The following TBC1D5 variants were observed in gnomAD, a reference collection of about 807,000 sequenced individuals.
TBC1D5 encodes TBC1 domain family, member 5.
A neutral mutation model predicts 100.3 loss-of-function variants in TBC1D5; 75 were observed. The ratio of observed to expected loss-of-function variants is 0.75; its 90% CI spans 0.62 to 0.91. TBC1D5 has a LOEUF of 0.91. Among genes scored for constraint, TBC1D5 ranks in the 40% least tolerant of loss-of-function variants. The pLI, the probability that TBC1D5 is intolerant of heterozygous loss-of-function variation, is 0.00. For missense variants in TBC1D5, 910 were observed against 942.4 expected (o/e 0.97, Z 0.45); for synonymous variants, 323 against 325.6 (o/e 0.99, Z 0.09).
chr3:17,531,205 G>A (rs2096219057), intron 2 of TBC1D5, among the ~76,000 whole-genome samples: 1 of 152,166 alleles, frequency 6.6e-6, no homozygotes, highest in African/African-American at 2.4e-5. Context: ...CAAACAGAGA[G>A]CCAAGTCATG....
chr3:17,692,990 C>T (rs1021936917), intron 1 of TBC1D5, among the ~76,000 whole-genome samples: 3 of 152,164 alleles, frequency 2.0e-5, no homozygotes, highest in East Asian at 1.9e-4. Flanking sequence ...ATTACATGGG[C>T]GGAGCCCCCT....
intron 14 of TBC1D5, among the ~76,000 whole-genome samples, chr3:17,296,493 C>T (rs970622533): frequency 6.6e-6 from 1 of 152,178 alleles, no homozygotes. Flanking sequence ...TGGCAAGAAA[C>T]AAAATGTGAT....
intron 10 of TBC1D5, 21 bp from the exon 11 acceptor site, chr3:17,374,700 A>T: frequency 6.2e-7 from 1 of 1,606,844 alleles, no homozygotes; most frequent in Non-Finnish European, 8.5e-7. Context: ...CAATACAAGC[A>T]ATCAAAATGT....
chr3:17,185,720 A>G (rs983127816), intron 18 of TBC1D5, among the ~76,000 whole-genome samples: 8 of 152,062 alleles, frequency 5.3e-5, no homozygotes, highest in African/African-American at 1.9e-4. Context: ...AAATAAAAAA[A>G]AAGACATAGC....
At chr3:17,610,991 C>A (rs1193127932) in intron 2 of TBC1D5, among the ~76,000 whole-genome samples, 1 of 152,000 alleles carries the variant, frequency 6.6e-6, no homozygotes, top group African/African-American at 2.4e-5. Context: ...GCCTGGGCGA[C>A]AAGAGCAAAA....
At chr3:17,690,897 C>T (rs1385313156) in intron 1 of TBC1D5, among the ~76,000 whole-genome samples, 4 of 152,102 alleles carry the variant, frequency 2.6e-5, no homozygotes, top group African/African-American at 9.7e-5. Flanking sequence ...CACTGCTTTC[C>T]AGCAGTACGT....
rs73032759 is a variant in TBC1D5 at position 17,226,035 on chromosome 3, A to T, written c.1589-11665T>A. 3.1e-3 allele frequency among the ~76,000 whole-genome samples: 466 copies of T among 152,008 alleles called. 3 individuals carry two copies. The highest frequency in any genetic ancestry group is 5.5e-3 in the Non-Finnish European group (373 of 67,990). ...GTCCTGGAACCAATCCCCCACAGAT[A>T]CTGAGGGACAACTGTATTTCCTCTG... On this transcript the variant is annotated intron_variant, in intron 17 of 21. Coordinates refer to ENST00000253692, the Ensembl canonical transcript of TBC1D5.
At chr3:17,232,261 A>G (rs921016468) in intron 17 of TBC1D5, among the ~76,000 whole-genome samples, 3 of 152,172 alleles carry the variant, frequency 2.0e-5, no homozygotes, top group Non-Finnish European at 2.9e-5. Context: ...TTTTCTTTCC[A>G]TAGGTATAAA....
intron 1 of TBC1D5, among the ~76,000 whole-genome samples, chr3:17,684,162 G>A (rs1246573125): frequency 6.6e-6 from 1 of 151,692 alleles, no homozygotes; most frequent in Non-Finnish European, 1.5e-5. Flanking sequence ...ATATCTAATA[G>A]TATCTGTGGT....
At chr3:17,229,221 T>A (rs2075196566) in intron 17 of TBC1D5, among the ~76,000 whole-genome samples, 1 of 152,194 alleles carries the variant, frequency 6.6e-6, no homozygotes, top group East Asian at 1.9e-4. Context: ...GGGATAACCT[T>A]GACTTTATAT....
At chr3:17,661,529 T>A (rs961499634) in intron 1 of TBC1D5, among the ~76,000 whole-genome samples, 1 of 149,022 alleles carries the variant, frequency 6.7e-6, no homozygotes, top group African/African-American at 2.5e-5. Flanking sequence ...TTTGATGGAG[T>A]CTTGCTCTCT....
At chr3:17,401,927 T>C (rs2093661072) in intron 8 of TBC1D5, among the ~76,000 whole-genome samples, 2 of 152,140 alleles carry the variant, frequency 1.3e-5, no homozygotes, top group Non-Finnish European at 2.9e-5. Context: ...TGTGTGCTAA[T>C]ACAATGGTGC....
At chr3:17,710,219 C>T (rs1321136243) in intron 1 of TBC1D5, among the ~76,000 whole-genome samples, 3 of 151,932 alleles carry the variant, frequency 2.0e-5, no homozygotes, top group Non-Finnish European at 4.4e-5. Flanking sequence ...GCCTGAAATC[C>T]AGATAGAGAC....
intron 1 of TBC1D5, among the ~76,000 whole-genome samples, chr3:17,682,139 A>C (rs373193785): frequency 2.6e-5 from 4 of 151,426 alleles, no homozygotes; most frequent in East Asian, 3.8e-4. Context: ...TTACAAGGCA[A>C]ACGAAGCACA....
intron 2 of TBC1D5, among the ~76,000 whole-genome samples, chr3:17,521,393 A>T (rs1304787919): frequency 6.6e-6 from 1 of 152,216 alleles, no homozygotes; most frequent in Non-Finnish European, 1.5e-5. Context: ...CTTCCTTAGG[A>T]TATTCTTAAT....
intron 18 of TBC1D5, among the ~76,000 whole-genome samples, chr3:17,204,616 G>A (rs985278470): frequency 1.3e-5 from 2 of 152,178 alleles, no homozygotes; most frequent in Non-Finnish European, 1.5e-5. Context: ...GGAGGAAGAA[G>A]ACCCAGCATG....
chr3:17,656,258 G>C (rs963085033), intron 1 of TBC1D5, among the ~76,000 whole-genome samples: 1 of 152,148 alleles, frequency 6.6e-6, no homozygotes, highest in African/African-American at 2.4e-5. Flanking sequence ...CCAGGCTCAG[G>C]GTCATCAGTA....
intron 2 of TBC1D5, among the ~76,000 whole-genome samples, chr3:17,547,330 CTG>C (rs2096427745): frequency 6.6e-6 from 1 of 152,152 alleles, no homozygotes; most frequent in African/African-American, 2.4e-5. Context: ...GTGATTACTT[CTG>C]TCTCGGTTAT....
At chr3:17,512,878 C>G (rs1009987367) in intron 2 of TBC1D5, among the ~76,000 whole-genome samples, 4 of 152,110 alleles carry the variant, frequency 2.6e-5, no homozygotes, top group African/African-American at 9.7e-5. Flanking sequence ...TTTCACAAGT[C>G]TAGAGGCTGG....
Sources: allele counts gnomAD v4.1 joint callset (sites outside exome capture counted in the v4.1 genomes callset), GRCh38; gene constraint gnomAD v4.1.1; transcripts MANE v1.5; gene names NCBI Gene and HGNC (gene_info 2026-07-23, HGNC 2026-07-21).